CTNNA2: variants seen among roughly 807,000 people sequenced by gnomAD.
CTNNA2 encodes catenin alpha-2.
Under a neutral mutation model 101.0 loss-of-function variants are expected in CTNNA2, and 42 were observed. That is an observed-to-expected ratio of 0.42 (90% confidence interval 0.32 to 0.54). The LOEUF is 0.54. CTNNA2 is among the 20% of genes least tolerant of loss of function. The probability of loss-of-function intolerance (pLI) is 0.14; values close to 1 mark genes in which losing one functional copy is unlikely to be tolerated. For missense variants in CTNNA2, 871 were observed against 1,223.1 expected (o/e 0.71, Z 4.29); for synonymous variants, 450 against 456.4 (o/e 0.99, Z 0.18).
chr2:80,463,019 A>G (rs900494240), intron 9 of CTNNA2, among the ~76,000 whole-genome samples: 3 of 152,132 alleles, frequency 2.0e-5, no homozygotes, highest in Non-Finnish European at 4.4e-5. Flanking sequence ...TCCTGTTTCC[A>G]ACCCTCTCAG....
At chr2:79,935,152 G>A (rs1042067511) in intron 7 of CTNNA2, among the ~76,000 whole-genome samples, 2 of 152,118 alleles carry the variant, frequency 1.3e-5, no homozygotes, top group African/African-American at 2.4e-5. Context: ...TCTGCCAGCC[G>A]TGGTGTTAGG....
chr2:79,215,014 C>T (rs189868445), intron 2 of CTNNA2, among the ~76,000 whole-genome samples: 13,976 of 151,912 alleles, frequency 0.092, 697 homozygotes, highest in Middle Eastern at 0.18. Flanking sequence ...CTGTGAGAGT[C>T]ACCTGAAGCT....
At chr2:80,522,264 C>T (rs1689633490) in intron 9 of CTNNA2, among the ~76,000 whole-genome samples, 2 of 152,160 alleles carry the variant, frequency 1.3e-5, no homozygotes, top group Admixed American at 1.3e-4. Flanking sequence ...CTCAAGGATC[C>T]TCAAAAGAGA....
intron 3 of CTNNA2, among the ~76,000 whole-genome samples, chr2:79,767,133 C>T (rs1386838400): frequency 5.3e-5 from 8 of 151,992 alleles, no homozygotes. Flanking sequence ...AATTAAAAGA[C>T]TCTAATGCAT....
intron 7 of CTNNA2, chr2:80,162,430 A>G: frequency 4.5e-6 from 7 of 1,547,470 alleles, no homozygotes; most frequent in Non-Finnish European, 6.1e-6. Context: ...TATAAAAACA[A>G]TGTGCTTTTA....
At chr2:79,812,947 G>A (rs760055974) in intron 3 of CTNNA2, among the ~76,000 whole-genome samples, 3 of 152,134 alleles carry the variant, frequency 2.0e-5, no homozygotes, top group Non-Finnish European at 2.9e-5. Context: ...CACTCCAGGT[G>A]CAATTCTGAA....
intron 1 of CTNNA2, chr2:79,573,963 T>G (rs1435525775): frequency 5.9e-6 from 1 of 169,674 alleles, no homozygotes; most frequent in Admixed American, 5.5e-5. Flanking sequence ...CAAGATTGTC[T>G]TGTTCAGGAA....
At chr2:80,030,449 C>T (rs921497840) in intron 7 of CTNNA2, 4 of 152,084 alleles carry the variant, frequency 2.6e-5, no homozygotes, top group Admixed American at 6.6e-5. Flanking sequence ...TCAAGCACCT[C>T]GACAAGATTT....
chr2:79,313,816 G>T (rs934865943), intron 3 of CTNNA2, among the ~76,000 whole-genome samples: 3 of 152,168 alleles, frequency 2.0e-5, no homozygotes, highest in Non-Finnish European at 4.4e-5. Flanking sequence ...AGGGATTGGG[G>T]TGTGTGTGTT....
At chr2:80,515,171 T>A (rs1296230594) in intron 9 of CTNNA2, among the ~76,000 whole-genome samples, 1 of 151,698 alleles carries the variant, frequency 6.6e-6, no homozygotes, top group Non-Finnish European at 1.5e-5. Flanking sequence ...TTTTTCCCCC[T>A]TGGAAACTGC....
At chr2:79,306,279 A>C (rs923334187) in intron 2 of CTNNA2, among the ~76,000 whole-genome samples, 1 of 152,160 alleles carries the variant, frequency 6.6e-6, no homozygotes, top group Non-Finnish European at 1.5e-5. Context: ...GAGTAAGTTC[A>C]AAGGATCTAT....
rs141169211 is a variant in CTNNA2 at position 79,260,790 on chromosome 2, C to T, written c.-405-51919C>T. On this transcript the variant is annotated intron_variant, in intron 2 of 21. Transcript: ENST00000466387. Reference sequence around the variant, plus strand: ...CTAAGCCCAATCACAGGCTGACCTCCAATTCTGAGTCCCACCACGGTCACA... The same window carrying T: ...CTAAGCCCAATCACAGGCTGACCTCTAATTCTGAGTCCCACCACGGTCACA... Among the ~76,000 whole-genome samples, 5 of 152,248 alleles carry T rather than the reference C, an allele frequency of 3.3e-5. No individual in the cohort carries two copies. In the East Asian group the frequency reaches 7.7e-4, roughly 24 times the overall value.
intron 18 of CTNNA2, 22 bp downstream of exon 18, chr2:80,619,250 T>C: frequency 6.7e-7 from 1 of 1,502,752 alleles, no homozygotes; most frequent in Non-Finnish European, 8.9e-7. Context: ...GACTTTCTAA[T>C]CTAATGTCTT....
At chr2:80,129,772 T>A (rs1702315757) in intron 7 of CTNNA2, among the ~76,000 whole-genome samples, 1 of 152,130 alleles carries the variant, frequency 6.6e-6, no homozygotes, top group Non-Finnish European at 1.5e-5. Context: ...ACATAACTGG[T>A]AAGTGATGGA....
chr2:79,575,187 C>T (rs1022518719), intron 1 of CTNNA2, among the ~76,000 whole-genome samples: 3 of 152,104 alleles, frequency 2.0e-5, no homozygotes, highest in African/African-American at 7.2e-5. Flanking sequence ...ATCTGGTTCT[C>T]GAAGTTTATC....
intron 7 of CTNNA2, among the ~76,000 whole-genome samples, chr2:80,083,526 G>T (rs1012985917): frequency 6.6e-6 from 1 of 152,064 alleles, no homozygotes; most frequent in Non-Finnish European, 1.5e-5. Flanking sequence ...CAGTCAAATT[G>T]AACATATTGG....
intron 11 of CTNNA2, among the ~76,000 whole-genome samples, chr2:80,546,275 A>G (rs1198458916): frequency 1.3e-5 from 2 of 152,234 alleles, no homozygotes; most frequent in Non-Finnish European, 2.9e-5. Context: ...GGCATTAAAA[A>G]GGAATACATT....
At chr2:79,451,039 G>T (rs1302232630) in intron 4 of CTNNA2, among the ~76,000 whole-genome samples, 1 of 152,056 alleles carries the variant, frequency 6.6e-6, no homozygotes, top group African/African-American at 2.4e-5. Context: ...ACATCTGTGG[G>T]ATGTGGGAGG....
At chr2:80,526,733 TA>T (rs1302723916) in intron 9 of CTNNA2, among the ~76,000 whole-genome samples, 7 of 152,164 alleles carry the variant, frequency 4.6e-5, no homozygotes, top group African/African-American at 1.7e-4. Flanking sequence ...ATAGAGCTTA[TA>T]AAAAAGTGTT....
Sources: gnomAD v4.1 joint callset for allele counts (sites outside exome capture counted in the v4.1 genomes callset) on GRCh38, gnomAD v4.1.1 for gene constraint, MANE v1.5 for transcripts, NCBI Gene and HGNC (gene_info 2026-07-23, HGNC 2026-07-21) for gene names.